The following WDR72 variants were observed in gnomAD, a reference collection of about 807,000 sequenced individuals.
The protein encoded by WDR72 is WD repeat domain 72.
In WDR72, 120 loss-of-function variants were observed where a neutral mutation model predicts 124.2. The observed-to-expected ratio is 0.97, with a 90% confidence interval of 0.83 to 1.12. The LOEUF (loss-of-function observed/expected upper bound fraction) is 1.12. Ranked by LOEUF, WDR72 falls within the 50% of genes most tolerant of loss-of-function variation. The probability of loss-of-function intolerance (pLI) is 0.00; values close to 1 mark genes in which losing one functional copy is unlikely to be tolerated. For synonymous variants in WDR72, 452 were observed against 441.7 expected, an observed-to-expected ratio of 1.02 and a Z score of -0.29; for missense variants, 1,387 against 1,278.8, an observed-to-expected ratio of 1.08 and a Z score of -1.29.
intron 18 of WDR72, among the ~76,000 whole-genome samples, chr15:53,591,657 C>T (rs192033987): frequency 4.0e-5 from 6 of 151,492 alleles, no homozygotes; most frequent in East Asian, 3.9e-4. Context: ...AATTAACACA[C>T]GCACACATAT....
At chr15:53,559,485 ACCTCC>A (rs1362144682) in intron 18 of WDR72, among the ~76,000 whole-genome samples, 1 of 151,984 alleles carries the variant, frequency 6.6e-6, no homozygotes, top group East Asian at 1.9e-4. Context: ...CCTGTCATTG[ACCTCC>A]AACCTGATCT....
chr15:53,529,964 C>T (rs1022821302), intron 18 of WDR72, among the ~76,000 whole-genome samples: 5 of 151,832 alleles, frequency 3.3e-5, no homozygotes, highest in East Asian at 2.0e-4. Flanking sequence ...TACATTTCCT[C>T]GCTCCCAACC....
At chr15:53,527,217 T>A (rs1422078479) in intron 18 of WDR72, among the ~76,000 whole-genome samples, 1 of 152,092 alleles carries the variant, frequency 6.6e-6, no homozygotes, top group Non-Finnish European at 1.5e-5. Context: ...TTGTTAAAAT[T>A]AGAAAAGTGG....
intron 18 of WDR72, among the ~76,000 whole-genome samples, chr15:53,526,612 G>A (rs1048486371): frequency 6.6e-6 from 1 of 151,874 alleles, no homozygotes; most frequent in African/African-American, 2.4e-5. Flanking sequence ...CTCATGGTGG[G>A]CCCATTTATC....
chr15:53,581,277 C>G (rs953081917), intron 18 of WDR72, among the ~76,000 whole-genome samples: 1 of 151,974 alleles, frequency 6.6e-6, no homozygotes, highest in Non-Finnish European at 1.5e-5. Context: ...TACAATGTAA[C>G]CAAAGCAATA....
chr15:53,662,904 G>C (rs1595828963), intron 14 of WDR72, among the ~76,000 whole-genome samples: 2 of 151,782 alleles, frequency 1.3e-5, no homozygotes, highest in South Asian at 4.2e-4. Context: ...GCCTGTAATA[G>C]AAAAACTTTT....
chr15:53,540,571 G>GAAAA (rs5812690), intron 18 of WDR72, among the ~76,000 whole-genome samples: 7 of 135,126 alleles, frequency 5.2e-5, no homozygotes, highest in African/African-American at 1.4e-4. Context: ...AAGGAAGAAA[G>GAAAA]AAAAAAAAAA....
Position 53,699,751 on chromosome 15 carries a change from T to C in WDR72, c.1764A>G (p.Thr588=). 6.2e-7 allele frequency: 1 copy of C among 1,614,002 alleles called. No homozygotes were observed. Among genetic ancestry groups the C allele is most frequent in the South Asian group, 1.1e-5 (1 of 91,076 alleles). The change falls in exon 13 of 20, where the codon ACA becomes ACG. Residue 588 remains threonine, a splice_region_variant and synonymous_variant. Coordinates refer to ENST00000360509, the MANE Select transcript of WDR72 (RefSeq NM_182758.4). Reference sequence around the variant, plus strand: ...GAAAGGGATAAAATTTCAACTTACCTGTTTCAATTTCCCAGATATAAACTG... The same window carrying C: ...GAAAGGGATAAAATTTCAACTTACCCGTTTCAATTTCCCAGATATAAACTG... ...DDSVYIWEIE[T]GTLERHETGE... is the part of the protein sequence containing the mutation.
chr15:53,609,741 A>G lies in WDR72; in HGVS notation c.2873-149T>C, dbSNP rs1235740120. The G allele has an allele frequency of 1.3e-5, 9 of 708,272 alleles. No homozygotes were observed. The Admixed American group carries it at 1.5e-4, about 12-fold the overall frequency. The allele number at this position is 708,272 out of a possible 1,614,324, so 43.9% of individuals were successfully genotyped here. ...TCAATCTTCCAGAGATTTTTATTTT[A>G]CAGATCCTGTGGTAGAGGTGGGACA... On this transcript the variant is annotated intron_variant, in intron 16 of 19. Coordinates refer to ENST00000360509, the MANE Select transcript of WDR72 (RefSeq NM_182758.4).
chr15:53,688,655 A>G (rs1251074130), intron 13 of WDR72, among the ~76,000 whole-genome samples: 10 of 152,188 alleles, frequency 6.6e-5, no homozygotes, highest in Non-Finnish European at 1.3e-4. Context: ...TAATTTACAG[A>G]TTCAATGCCA....
chr15:53,550,983 A>G lies in WDR72; in HGVS notation c.3149-27661T>C, dbSNP rs749855957. On this transcript the variant is annotated intron_variant, in intron 18 of 19. Transcript: ENST00000360509. ...AAGAAATTCACAGTTTGTCATGAGA[A>G]TAAATATGGAGTGAACCTAATGAAG... Among the ~76,000 whole-genome samples, 8 of 152,338 alleles carry G rather than the reference A, an allele frequency of 5.3e-5. No homozygotes were observed. In the East Asian group the frequency reaches 1.2e-3, roughly 22 times the overall value.
intron 14 of WDR72, among the ~76,000 whole-genome samples, chr15:53,635,914 T>C (rs2014605870): frequency 1.3e-5 from 2 of 152,144 alleles, no homozygotes; most frequent in Non-Finnish European, 2.9e-5. Context: ...AAAGGGACTT[T>C]AGTGAGACAG....
At chr15:53,586,315 T>C (rs1013333108) in intron 18 of WDR72, among the ~76,000 whole-genome samples, 1 of 152,060 alleles carries the variant, frequency 6.6e-6, no homozygotes, top group Non-Finnish European at 1.5e-5. Flanking sequence ...GTACTTTAAA[T>C]ACTAATGGAC....
In WDR72 at chr15:53,666,237, T is replaced by C. The variant is rs1002296250; in HGVS notation, c.1766-469A>G. On this transcript the variant is annotated intron_variant, in intron 13 of 19. Transcript: ENST00000360509. ...CAAGTAAGAACACGGATGCTTTGTG[T>C]ACTGCCTCCCTCACCGAAGTGTCCC... 2.2e-4 allele frequency among the ~76,000 whole-genome samples: 34 copies of C among 152,176 alleles called. 1 individual carries two copies. Among genetic ancestry groups the C allele is most frequent in the African/African-American group, 3.1e-4 (13 of 41,468 alleles).
At chr15:53,689,250 A>T (rs1254011335) in intron 13 of WDR72, among the ~76,000 whole-genome samples, 1 of 151,460 alleles carries the variant, frequency 6.6e-6, no homozygotes, top group Non-Finnish European at 1.5e-5. Flanking sequence ...CTGCACAGCA[A>T]AAGAAACTAC....
rs2015891209 is a variant in WDR72, at chr15:53,668,998, A to AAGG, written c.1766-3233_1766-3231dup. 1.1e-4 allele frequency among the ~76,000 whole-genome samples: 3 copies of AAGG among 27,882 alleles called. No homozygotes were observed. The Admixed American group carries it at 1.2e-3, about 11-fold the overall frequency. The allele number at this position is 27,882 out of a possible 152,430, so 18.3% of individuals were successfully genotyped here. ...GGAGGAGAAGGAGAAGGAGGAGGAG[A>AAGG]AGGAGAAGGAGAAGGAGAAAAGAAG... is the stretch of plus-strand genomic sequence containing the variant. On this transcript the variant is annotated intron_variant, in intron 13 of 19. Transcript: ENST00000360509.
At chr15:53,745,188 G>C (rs530253197) in intron 1 of WDR72, among the ~76,000 whole-genome samples, 1 of 152,180 alleles carries the variant, frequency 6.6e-6, no homozygotes, top group South Asian at 2.1e-4. Flanking sequence ...GAACTGATGG[G>C]GGTATAGGTG....
chr15:53,638,705 T>C (rs2014720589), intron 14 of WDR72, among the ~76,000 whole-genome samples: 1 of 151,410 alleles, frequency 6.6e-6, no homozygotes, highest in African/African-American at 2.4e-5. Context: ...CTCTGATACG[T>C]TTATTAAGCC....
At chr15:53,610,825 G>A (rs1007079911) in intron 16 of WDR72, among the ~76,000 whole-genome samples, 3 of 152,028 alleles carry the variant, frequency 2.0e-5, no homozygotes, top group Non-Finnish European at 4.4e-5. Flanking sequence ...AACACAGCAG[G>A]TAAGAGAACA....
Sources: gnomAD v4.1 joint callset for allele counts (sites outside exome capture counted in the v4.1 genomes callset) on GRCh38, gnomAD v4.1.1 for gene constraint, MANE v1.5 for transcripts, NCBI Gene and HGNC (gene_info 2026-07-23, HGNC 2026-07-21) for gene names.